The following MGAM variants were observed in gnomAD, a reference collection of about 807,000 sequenced individuals.
MGAM encodes the protein alpha-1,4-glucosidase.
A neutral mutation model predicts 358.8 loss-of-function variants in MGAM; 253 were observed. The observed-to-expected ratio is 0.71, with a 90% CI of 0.64 to 0.78. The LOEUF (loss-of-function observed/expected upper bound fraction) is 0.78, where lower values mean the gene tolerates loss of function less well. Ranked by LOEUF, MGAM falls within the 30% of genes least tolerant of loss-of-function variation. The pLI is 0.00. For missense variants in MGAM, 3,080 were observed against 3,432.6 expected (o/e 0.90, Z 2.57); for synonymous variants, 1,105 against 1,227.1 (o/e 0.90, Z 2.08).
At chr7:142,090,410 G>A (rs1186836844) in intron 57 of MGAM, among the ~76,000 whole-genome samples, 2 of 145,374 alleles carry the variant, frequency 1.4e-5, no homozygotes, top group East Asian at 4.0e-4. Flanking sequence ...TCTGTTTCTG[G>A]TGAAAGATTC....
chr7:142,029,462 A>T (rs536672739), intron 10 of MGAM, among the ~76,000 whole-genome samples: 1 of 152,284 alleles, frequency 6.6e-6, no homozygotes, highest in Admixed American at 6.5e-5. Context: ...CATAGAGGTC[A>T]TCTCTTTTTT....
chr7:142,106,038 G>A lies in MGAM; in HGVS notation c.*147G>A, dbSNP rs945941788. ...TAATTTTGTTATATGTTTTTTGTGT[G>A]AACCCTAAAGGTTAAACCTTAGCCC... On this transcript the variant is annotated 3_prime_UTR_variant, in exon 71 of 71. Coordinates refer to ENST00000475668, the MANE Select transcript of MGAM (RefSeq NM_001365693.1). 4 of 656,862 alleles carry A rather than the reference G, an allele frequency of 6.1e-6. No homozygotes were observed. The African/African-American group carries it at 7.3e-5, about 12-fold the overall frequency. The allele number at this position is 656,862 out of a possible 1,614,324, so 40.7% of individuals were successfully genotyped here. A position where few individuals can be genotyped will look rare whatever the true frequency, so the allele number is the denominator to read the frequency against.
chr7:142,017,505 T>G (rs17162645), intron 3 of MGAM, among the ~76,000 whole-genome samples: 5,347 of 152,324 alleles, frequency 0.035, 306 homozygotes, highest in African/African-American at 0.12. Flanking sequence ...TTTGCATTCC[T>G]TGCTCTTTTG....
rs1355186188 is a variant in MGAM, at chr7:142,078,324, A to G, written c.5500A>G (p.Ile1834Val). ...GATTTCTGCATTCCTACAGGTCGCC[A>G]TTATCACAGACATCAATCTTTTCCT... ...VTYDSNLKVA[I>V]ITDINLFLGE... Residue 1834 changes from isoleucine to valine, a missense_variant, in exon 48 of 71, where the codon ATT (isoleucine) becomes GTT (valine). Physicochemically the swap from Ile to Val is conservative, Grantham distance 29. Transcript: ENST00000475668. 4 of 1,476,950 alleles carry G rather than the reference A, an allele frequency of 2.7e-6. 1 individual carries two copies. The Admixed American group carries it at 6.2e-5, about 23-fold the overall frequency. The allele number at this position is 1,476,950 out of a possible 1,614,324, so 91.5% of individuals were successfully genotyped here.
chr7:142,068,977 T>A (rs955825563), intron 43 of MGAM, among the ~76,000 whole-genome samples: 3 of 146,620 alleles, frequency 2.0e-5, no homozygotes, highest in Non-Finnish European at 4.6e-5. Context: ...TTAATATTTC[T>A]TTATATCACT....
Position 142,059,898 on chromosome 7 carries a change from T to C in MGAM, c.3991T>C (p.Phe1331Leu). The change falls in exon 33 of 71, where the codon TTC becomes CTC. Residue 1331 changes from phenylalanine to leucine, a missense_variant. By Grantham distance (22) the Phe-to-Leu change is conservative (BLOSUM62 0). Coordinates refer to ENST00000475668, the MANE Select transcript of MGAM (RefSeq NM_001365693.1). ...SGNETQPYPA[F>L]TRGVEDDVFI... ...CAATGAGACACAGCCTTATCCTGCC[T>C]TCACTCGGGGCGTGGAGGATGACGT... The C allele has an allele frequency of 6.2e-7, 1 of 1,611,450 alleles. No individual in the cohort carries two copies. The highest frequency in any genetic ancestry group is 8.5e-7 in the Non-Finnish European group (1 of 1,178,846).
chr7:141,986,916 G>A (rs1357293039), intron 2 of MGAM, among the ~76,000 whole-genome samples: 1 of 152,192 alleles, frequency 6.6e-6, no homozygotes, highest in African/African-American at 2.4e-5. Context: ...ACTTTGTGGA[G>A]ATTTGGAGGT....
chr7:142,034,808 C>T lies in MGAM; in HGVS notation c.1926C>T (p.Gly642=), dbSNP rs201866973. ...ATGACCTGAGATGGTCCATCCCTGG[C>T]GTGCTTGAGTTCAACCTTTTTGGCA... ...TWDDLRWSIP[G]VLEFNLFGIP... Residue 642 remains glycine (G), a synonymous_variant, in exon 16 of 71, where the codon GGC becomes GGT. Coordinates refer to ENST00000475668, the MANE Select transcript of MGAM (RefSeq NM_001365693.1). 2.2e-4 allele frequency: 350 copies of T among 1,613,162 alleles called. 1 individual carries two copies. The African/African-American group carries it at 4.0e-3, about 18-fold the overall frequency.
At chr7:141,999,174 C>A (rs201291588) in intron 1 of MGAM, among the ~76,000 whole-genome samples, 1 of 152,048 alleles carries the variant, frequency 6.6e-6, no homozygotes, top group Non-Finnish European at 1.5e-5. Context: ...ATAAATAATT[C>A]ATGAATGAAT....
At chr7:142,010,911 C>A (rs961226080) in intron 3 of MGAM, among the ~76,000 whole-genome samples, 1 of 152,108 alleles carries the variant, frequency 6.6e-6, no homozygotes, top group East Asian at 1.9e-4. Flanking sequence ...AATTCCAGAA[C>A]GCAGAGTTGA....
intron 57 of MGAM, among the ~76,000 whole-genome samples, chr7:142,090,895 G>C (rs75120246): frequency 6.8e-6 from 1 of 146,224 alleles, no homozygotes; most frequent in Non-Finnish European, 1.5e-5. Context: ...AAATATAAAT[G>C]TCACTCAGAT....
intron 57 of MGAM, among the ~76,000 whole-genome samples, chr7:142,089,936 G>C (rs911574429): frequency 6.8e-6 from 1 of 146,496 alleles, no homozygotes; most frequent in African/African-American, 2.4e-5. Context: ...TGGCTTTACT[G>C]AATATAAAAC....
intron 18 of MGAM, 82 bp downstream of exon 18, chr7:142,037,059 T>G (rs2129008584): frequency 7.1e-7 from 1 of 1,405,316 alleles, no homozygotes; most frequent in Non-Finnish European, 9.8e-7. Context: ...GAGTGAAAAC[T>G]GAAACAATTC....
rs535867417 is a variant in MGAM at position 142,090,432 on chromosome 7, T to C, written c.6811-1481T>C. Among the ~76,000 whole-genome samples the C allele has an allele frequency of 4.1e-5, 6 of 145,810 alleles. 1 individual carries two copies. The highest frequency in any genetic ancestry group is 9.3e-5 in the Non-Finnish European group (6 of 64,384). ...CTGGTGAAAGATTCTCTTTGTCAGG[T>C]TTCCTAGCTTCTACCTCCATTTCCT... On this transcript the variant is annotated intron_variant, in intron 57 of 70. Transcript: ENST00000475668.
intron 14 of MGAM, 69 bp from the exon 15 acceptor site, chr7:142,034,193 A>AC: frequency 1.1e-6 from 1 of 905,326 alleles, no homozygotes; most frequent in African/African-American, 4.2e-5. Flanking sequence ...GTCATTTCGG[A>AC]TTGTGATAGT....
intron 58 of MGAM, 40 bp downstream of exon 58, chr7:142,092,087 C>T: frequency 6.5e-7 from 1 of 1,541,052 alleles, no homozygotes; most frequent in Non-Finnish European, 8.9e-7. Context: ...TGACACTTGT[C>T]TATCTTTGTG....
chr7:142,106,049 G>T lies in MGAM; in HGVS notation c.*158G>T, dbSNP rs774637033. 6.6e-6 allele frequency: 4 copies of T among 605,770 alleles called. No homozygotes were observed. The highest frequency in any genetic ancestry group is 8.6e-6 in the Non-Finnish European group (3 of 347,302). 37.5% of individuals were successfully genotyped at this position (605,770 alleles called of 1,614,324 possible). A position where few individuals can be genotyped will look rare whatever the true frequency, so the allele number is the denominator to read the frequency against. On this transcript the variant is annotated 3_prime_UTR_variant, in exon 71 of 71. Transcript: ENST00000475668. ...TATGTTTTTTGTGTGAACCCTAAAG[G>T]TTAAACCTTAGCCCTGTGGGATAGG...
chr7:142,097,491 G>A, intron 65 of MGAM, 102 bp from the exon 66 acceptor site: 3 of 1,168,940 alleles, frequency 2.6e-6, no homozygotes, highest in Middle Eastern at 3.8e-4. Flanking sequence ...AGGCAAGTGG[G>A]CCCAAGGCCA....
intron 1 of MGAM, among the ~76,000 whole-genome samples, chr7:141,999,847 G>A (rs1584892093): frequency 1.3e-5 from 2 of 152,176 alleles, no homozygotes; most frequent in South Asian, 4.1e-4. Flanking sequence ...GAGATAGGAA[G>A]CTTCACCATC....
Sources: gnomAD v4.1 joint callset for allele counts (sites outside exome capture counted in the v4.1 genomes callset) on GRCh38, gnomAD v4.1.1 for gene constraint, MANE v1.5 for transcripts, NCBI Gene and HGNC (gene_info 2026-07-23, HGNC 2026-07-21) for gene names.